Variants in MAP3K21 observed in about 807,000 individuals in gnomAD.
The protein encoded by MAP3K21 is mitogen-activated protein kinase kinase kinase 21, also known as mitogen-activated protein kinase kinase kinase MLK4.
A neutral mutation model predicts 86.1 loss-of-function variants in MAP3K21; 63 were observed. The ratio of observed to expected loss-of-function variants is 0.73; its 90% CI spans 0.60 to 0.90. MAP3K21 has a LOEUF of 0.90. MAP3K21 is among the 40% of genes least tolerant of loss of function. The pLI is 0.00. For missense variants in MAP3K21, 1,220 were observed against 1,367.7 expected (o/e 0.89, Z 1.70); for synonymous variants, 558 against 564.8 (o/e 0.99, Z 0.17).
chr1:233,376,313 T>C (rs913049980), intron 7 of MAP3K21, 117 bp from the exon 8 acceptor site: 2 of 803,166 alleles, frequency 2.5e-6, no homozygotes, highest in African/African-American at 3.5e-5. Flanking sequence ...CCTTCAAAAC[T>C]GAGTACAAAT....
chr1:233,348,551 C>A (rs957981680), intron 2 of MAP3K21, among the ~76,000 whole-genome samples: 3 of 152,024 alleles, frequency 2.0e-5, no homozygotes, highest in African/African-American at 7.2e-5. Flanking sequence ...GTGTTTAATT[C>A]TTTGAAGAAG....
At chr1:233,347,797 G>A (rs971013562) in intron 2 of MAP3K21, among the ~76,000 whole-genome samples, 2 of 152,098 alleles carry the variant, frequency 1.3e-5, no homozygotes, top group African/African-American at 4.8e-5. Context: ...CAGTACCTGG[G>A]TGACAGGACC....
At position 233,362,358 on chromosome 1, in the gene MAP3K21, G is replaced by A; in HGVS notation, c.1552+65G>A. 1.7e-5 allele frequency: 27 copies of A among 1,561,094 alleles called. No individual in the cohort carries two copies. The South Asian group carries it at 3.0e-4, about 17-fold the overall frequency. On this transcript the variant is annotated intron_variant, in intron 5 of 9. Transcript: ENST00000366624. ...GTCCTCCTTTTAATCAGTTTTCTTT[G>A]TTCATCAGAACCAGGAAAGAGATAG...
At chr1:233,363,459 T>C (rs1043861653) in intron 5 of MAP3K21, among the ~76,000 whole-genome samples, 5 of 152,198 alleles carry the variant, frequency 3.3e-5, no homozygotes, top group Admixed American at 3.3e-4. Context: ...GCACTTTGGT[T>C]AGCTGAGGTG....
At chr1:233,368,915 G>A (rs568585820) in intron 5 of MAP3K21, among the ~76,000 whole-genome samples, 3 of 125,934 alleles carry the variant, frequency 2.4e-5, no homozygotes, top group African/African-American at 8.4e-5. Flanking sequence ...CACAGAGAAA[G>A]TACTCATTCA....
Position 233,341,523 on chromosome 1 carries a change from A to G in MAP3K21, c.806-4919A>G, listed in dbSNP as rs758012034. ...TGCAGTGTGGAGGTGCCTGGCTCCT[A>G]TGGAAACTCTGGACCTGGGGAATGG... On this transcript the variant is annotated intron_variant, in intron 1 of 9. Coordinates refer to ENST00000366624, the MANE Select transcript of MAP3K21 (RefSeq NM_032435.3). Among the ~76,000 whole-genome samples, 31 of 152,300 alleles carry G rather than the reference A, an allele frequency of 2.0e-4. 1 individual carries two copies. The highest frequency in any genetic ancestry group is 1.0e-3 in the Admixed American group (16 of 15,306).
At chr1:233,376,221 T>G (rs1439165657) in intron 7 of MAP3K21, among the ~76,000 whole-genome samples, 155 bp downstream of exon 7, 1 of 152,250 alleles carries the variant, frequency 6.6e-6, no homozygotes, top group Non-Finnish European at 1.5e-5. Flanking sequence ...CATGCTAAAT[T>G]AACTATTATT....
intron 8 of MAP3K21, among the ~76,000 whole-genome samples, chr1:233,376,838 A>AC (rs1663807079): frequency 2.0e-5 from 3 of 151,964 alleles, no homozygotes; most frequent in South Asian, 2.1e-4. Context: ...AAAAATATAG[A>AC]CCCCCCTGAA....
At chr1:233,376,615 C>A in intron 8 of MAP3K21, 88 bp downstream of exon 8, 1 of 836,090 alleles carries the variant, frequency 1.2e-6, no homozygotes, top group Non-Finnish European at 1.9e-6. Flanking sequence ...CTTACGTGGT[C>A]ATTAAAGTAG....
chr1:233,354,552 A>G (rs1304951387), intron 3 of MAP3K21, among the ~76,000 whole-genome samples: 2 of 152,198 alleles, frequency 1.3e-5, no homozygotes, highest in Non-Finnish European at 2.9e-5. Context: ...ATAGTAAAGC[A>G]TGGGAAGCAC....
At chr1:233,353,313 A>C (rs1663286513) in intron 2 of MAP3K21, among the ~76,000 whole-genome samples, 1 of 152,210 alleles carries the variant, frequency 6.6e-6, no homozygotes, top group Non-Finnish European at 1.5e-5. Flanking sequence ...GAAGATAAAC[A>C]GTTTCAAAAA....
intron 9 of MAP3K21, among the ~76,000 whole-genome samples, chr1:233,382,026 A>T (rs1195770059): frequency 6.6e-6 from 1 of 152,168 alleles, no homozygotes; most frequent in Non-Finnish European, 1.5e-5. Context: ...CATAGGTTGA[A>T]GTACTCTTTG....
intron 2 of MAP3K21, among the ~76,000 whole-genome samples, chr1:233,348,742 A>G (rs1471300896): frequency 6.6e-5 from 10 of 152,092 alleles, no homozygotes; most frequent in African/African-American, 2.4e-4. Flanking sequence ...GGATTTTGTT[A>G]TTACTTTTTT....
chr1:233,337,959 C>T (rs1174517403), intron 1 of MAP3K21, among the ~76,000 whole-genome samples: 2 of 152,160 alleles, frequency 1.3e-5, no homozygotes, highest in African/African-American at 4.8e-5. Flanking sequence ...AGATTTTCTG[C>T]AAATAATGCA....
chr1:233,330,240 C>T (rs1207023885), intron 1 of MAP3K21, among the ~76,000 whole-genome samples: 1 of 152,154 alleles, frequency 6.6e-6, no homozygotes, highest in Non-Finnish European at 1.5e-5. Flanking sequence ...CTCCTTCCCC[C>T]CAAGTCTCTC....
At chr1:233,376,171 G>A (rs1572257696) in intron 7 of MAP3K21, 105 bp downstream of exon 7, 1 of 744,236 alleles carries the variant, frequency 1.3e-6, no homozygotes, top group Non-Finnish European at 2.1e-6. Context: ...AATTAATAGA[G>A]AGATTTATAA....
intron 1 of MAP3K21, among the ~76,000 whole-genome samples, chr1:233,338,478 A>G (rs1171387099): frequency 6.6e-6 from 1 of 152,234 alleles, no homozygotes; most frequent in African/African-American, 2.4e-5. Context: ...AGTGCTTAGT[A>G]TAAAAACTAA....
At chr1:233,349,624 A>G (rs1663210939) in intron 2 of MAP3K21, among the ~76,000 whole-genome samples, 1 of 152,192 alleles carries the variant, frequency 6.6e-6, no homozygotes. Context: ...ACAAAGTGCG[A>G]TGATCTGATT....
Position 233,362,148 on chromosome 1 carries a change from G to A in MAP3K21, c.1407G>A (p.Glu469=). The part of the protein sequence containing the change: ...LLKRREQQLA[E]REIDVLEREL... The stretch of plus-strand genomic sequence containing the variant: ...AGCGGCGTGAGCAGCAGCTGGCAGA[G>A]CGCGAGATCGACGTGCTGGAGCGGG... Residue 469 remains glutamate, a synonymous_variant, in exon 5 of 10, where the codon GAG becomes GAA. Transcript: ENST00000366624. 6.2e-7 allele frequency: 1 copy of A among 1,614,208 alleles called. No individual in the cohort carries two copies. Among genetic ancestry groups the A allele is most frequent in the Non-Finnish European group, 8.5e-7 (1 of 1,180,036 alleles).
Sources: gnomAD v4.1 joint callset for allele counts (sites outside exome capture counted in the v4.1 genomes callset) on GRCh38, gnomAD v4.1.1 for gene constraint, MANE v1.5 for transcripts, NCBI Gene and HGNC (gene_info 2026-07-23, HGNC 2026-07-21) for gene names.